Variants in NAT16 observed in about 807,000 individuals in gnomAD.
The protein encoded by NAT16 is probable N-acetyltransferase 16.
NAT16 carries 16 observed loss-of-function variants against 15.9 expected under a neutral mutation model. The ratio of observed to expected loss-of-function variants is 1.01; its 90% CI spans 0.68 to 1.53. NAT16 has a LOEUF of 1.53. Ranked by LOEUF, NAT16 falls within the 40% of genes most tolerant of loss-of-function variation. The probability of loss-of-function intolerance (pLI) is 0.00; values close to 1 mark genes in which losing one functional copy is unlikely to be tolerated. For missense variants in NAT16, 572 were observed against 508.4 expected (o/e 1.13, Z -1.20); for synonymous variants, 260 against 241.9 (o/e 1.07, Z -0.69).
rs200908607 is a variant in NAT16 at position 101,170,721 on chromosome 7, C to T, written c.*1358G>A. 6.6e-6 allele frequency: 1 copy of T among 152,468 alleles called. No individual in the cohort carries two copies. Among genetic ancestry groups the T allele is most frequent in the East Asian group, 1.9e-4 (1 of 5,196 alleles). The allele number at this position is 152,468 out of a possible 1,614,324, so 9.4% of individuals were successfully genotyped here. A position where few individuals can be genotyped will look rare whatever the true frequency, so the allele number is the denominator to read the frequency against. ...TCTCGGATCCCATCCCAGCGAACCC[C>T]AAACTCACTGTCAACATTCTCCTAG... On this transcript the variant is annotated 3_prime_UTR_variant, in exon 4 of 4. Coordinates refer to ENST00000300303, the MANE Select transcript of NAT16 (RefSeq NM_198571.3).
At position 101,174,559 on chromosome 7, in the gene NAT16, G is replaced by A; in HGVS notation, c.249C>T (p.Arg83=). 1 of 1,612,956 alleles carries A rather than the reference G, an allele frequency of 6.2e-7. No individual in the cohort carries two copies. Among genetic ancestry groups the A allele is most frequent in the Non-Finnish European group, 8.5e-7 (1 of 1,179,818 alleles). ...CGGGGTCCCGGAGCCAGCTGTGGTA[G>A]CGGCTAGGAAGGTAGTCCAGGCCGC... ...IYGGLDYLPS[R]YHSWLRDPDR... is the part of the protein sequence containing the mutation. The change falls in exon 2 of 4, where the codon CGC becomes CGT. Residue 83 remains arginine, a synonymous_variant. Transcript: ENST00000300303.
At chr7:101,174,978 G>A (rs555728599) in intron 1 of NAT16, among the ~76,000 whole-genome samples, 167 bp from the exon 2 acceptor site, 13 of 151,482 alleles carry the variant, frequency 8.6e-5, no homozygotes, top group Non-Finnish European at 1.5e-4. Flanking sequence ...TTTTTGAGAC[G>A]GAGTCTCGTT....
chr7:101,174,088 C>T, intron 2 of NAT16: 1 of 313,938 alleles, frequency 3.2e-6, no homozygotes, highest in Non-Finnish European at 5.8e-6. Context: ...CCGCTCACCA[C>T]GCCCCTTCCT....
rs1228256592 is a variant in NAT16 at position 101,172,684 on chromosome 7, G to A, written c.538-33C>T. On this transcript the variant is annotated intron_variant, in intron 3 of 3. Coordinates refer to ENST00000300303, the MANE Select transcript of NAT16 (RefSeq NM_198571.3). This position sits in a 1 kb window ranked among gnomAD's most constrained non-coding sequence, Gnocchi z 4.2. ...GGGCACGAGTGAGCGCGGGGAGGGG[G>A]GGCGCAGCAGGGCTGGCGAGCCCGG... is the stretch of plus-strand genomic sequence containing the variant. The A allele has an allele frequency of 1.4e-6, 2 of 1,418,956 alleles. No individual in the cohort carries two copies. The highest frequency in any genetic ancestry group is 2.9e-5 in the South Asian group (2 of 69,272). 87.9% of individuals were successfully genotyped at this position (1,418,956 alleles called of 1,614,324 possible). A position where few individuals can be genotyped will look rare whatever the true frequency, so the allele number is the denominator to read the frequency against.
intron 1 of NAT16, among the ~76,000 whole-genome samples, chr7:101,178,928 T>C (rs1482507366): frequency 2.9e-5 from 4 of 139,818 alleles, no homozygotes; most frequent in African/African-American, 1.0e-4. Context: ...AACATTTCTC[T>C]CTTCATGTCT....
chr7:101,178,592 G>T (rs2116735645), intron 1 of NAT16, among the ~76,000 whole-genome samples: 1 of 151,848 alleles, frequency 6.6e-6, no homozygotes. Flanking sequence ...GCATTTCTTG[G>T]CCGGGCGTGG....
In NAT16 at chr7:101,172,363, C is replaced by T. The variant is rs978376868; in HGVS notation, c.826G>A (p.Val276Met). 3.2e-5 allele frequency: 50 copies of T among 1,573,000 alleles called. No individual in the cohort carries two copies. Among genetic ancestry groups the T allele is most frequent in the East Asian group, 2.8e-4 (12 of 42,282 alleles). ...AAGGGGCGCGTGCACAGCGTGAGCA[C>T]GCGCGGGCGCGCGCGGCTGTCCACG... ...WRVDSRARPR[V>M]LTLCTRPFPI... The change falls in exon 4 of 4, where the codon GTG becomes ATG. Residue 276 changes from valine (V) to methionine (M), a missense_variant. Transcript: ENST00000300303. This position sits in a 1 kb window ranked among gnomAD's most constrained non-coding sequence, Gnocchi z 4.2.
In NAT16 at chr7:101,172,746, C is replaced by A. The variant is rs1285430372; in HGVS notation, c.538-95G>T. ...AGGCATCTTCACTCCCACGTTCACGCCCACGGGCTCCCACCTGGGTCCCTC... is the reference window on the plus strand; with the variant it reads ...AGGCATCTTCACTCCCACGTTCACGACCACGGGCTCCCACCTGGGTCCCTC... On this transcript the variant is annotated intron_variant, in intron 3 of 3. Coordinates refer to ENST00000300303, the MANE Select transcript of NAT16 (RefSeq NM_198571.3). This position sits in a 1 kb window ranked among gnomAD's most constrained non-coding sequence, Gnocchi z 4.2. The A allele has an allele frequency of 1.0e-6, 1 of 987,274 alleles. No homozygotes were observed. The highest frequency in any genetic ancestry group is 1.4e-6 in the Non-Finnish European group (1 of 709,228). 61.2% of individuals were successfully genotyped at this position (987,274 alleles called of 1,614,324 possible).
At chr7:101,173,203 G>A (rs1797375910) in intron 3 of NAT16, 93 bp downstream of exon 3, 1 of 1,163,314 alleles carries the variant, frequency 8.6e-7, no homozygotes, top group Admixed American at 1.8e-5. Context: ...AGCCCAGAGA[G>A]AGAGCAAGCC....
chr7:101,173,270 C>T, intron 3 of NAT16, 26 bp downstream of exon 3: 2 of 1,595,422 alleles, frequency 1.3e-6, no homozygotes, highest in Non-Finnish European at 1.7e-6. Context: ...AGAGGCCCAG[C>T]CATCCGAGCT....
chr7:101,177,176 G>A (rs1229265405), intron 1 of NAT16, among the ~76,000 whole-genome samples: 1 of 152,096 alleles, frequency 6.6e-6, no homozygotes, highest in East Asian at 1.9e-4. Flanking sequence ...CCTCTGCTGG[G>A]GCCATTAGAG....
rs933482283 is a variant in NAT16, at chr7:101,171,088, G to A, written c.*991C>T. On this transcript the variant is annotated 3_prime_UTR_variant, in exon 4 of 4. Coordinates refer to ENST00000300303, the MANE Select transcript of NAT16 (RefSeq NM_198571.3). ...GGAATTCCAGTTGCACTAGAAGGCG[G>A]CCTGGTTGGAACCAGGAGACAGCCC... 4 of 152,258 alleles carry A rather than the reference G, an allele frequency of 2.6e-5. No individual in the cohort carries two copies. Among genetic ancestry groups the A allele is most frequent in the African/African-American group, 7.2e-5 (3 of 41,444 alleles). The allele number at this position is 152,258 out of a possible 1,614,324, so 9.4% of individuals were successfully genotyped here. A position where few individuals can be genotyped will look rare whatever the true frequency, so the allele number is the denominator to read the frequency against.
chr7:101,173,145 AG>A, intron 3 of NAT16, 150 bp downstream of exon 3: 1 of 717,400 alleles, frequency 1.4e-6, no homozygotes, highest in Non-Finnish European at 2.5e-6. Flanking sequence ...GGGTCTGGTA[AG>A]GACTGGGAGT....
At position 101,177,394 on chromosome 7, in the gene NAT16, GT is replaced by G. The variant is rs369048067; in HGVS notation, c.-4-2584del. On this transcript the variant is annotated intron_variant, in intron 1 of 3. Coordinates refer to ENST00000300303, the MANE Select transcript of NAT16 (RefSeq NM_198571.3). ...GTCTCGCTCTGTCACCCAGGCCGGA[GT>G]GCAATGGCATCATCGTAGCTCACTG... is the stretch of plus-strand genomic sequence containing the variant. Among the ~76,000 whole-genome samples the G allele has an allele frequency of 3.7e-3, 556 of 152,090 alleles. 4 individuals are homozygous for G. The highest frequency in any genetic ancestry group is 0.015 in the South Asian group (72 of 4,786).
At chr7:101,177,192 C>T (rs1036694121) in intron 1 of NAT16, among the ~76,000 whole-genome samples, 1 of 152,212 alleles carries the variant, frequency 6.6e-6, no homozygotes, top group Non-Finnish European at 1.5e-5. Flanking sequence ...TAGAGACCAT[C>T]AGGTTCAACC....
intron 2 of NAT16, chr7:101,173,925 C>T: frequency 4.6e-6 from 1 of 217,900 alleles, no homozygotes; most frequent in Non-Finnish European, 9.0e-6. Context: ...AGACAGGGGT[C>T]TCGCATGTTG....
chr7:101,177,826 A>G (rs1433362299), intron 1 of NAT16, among the ~76,000 whole-genome samples: 1 of 152,158 alleles, frequency 6.6e-6, no homozygotes, highest in African/African-American at 2.4e-5. Flanking sequence ...AGCAATCCCT[A>G]TGCCAACACA....
Position 101,174,477 on chromosome 7 carries a change from G to A in NAT16, c.312+19C>T, listed in dbSNP as rs1372619971. On this transcript the variant is annotated intron_variant, in intron 2 of 3. Transcript: ENST00000300303. ...GGTGGCTTCACCCCATGTCACCTGG[G>A]CCGTGCCCCCGGGCTCACCACGCCT... 6.3e-7 allele frequency: 1 copy of A among 1,597,160 alleles called. No homozygotes were observed.
In NAT16 at chr7:101,171,507, C is replaced by A. The variant is rs1249988167; in HGVS notation, c.*572G>T. The A allele has an allele frequency of 6.5e-6, 1 of 153,144 alleles. No individual in the cohort carries two copies. The allele number at this position is 153,144 out of a possible 1,614,324, so 9.5% of individuals were successfully genotyped here. On this transcript the variant is annotated 3_prime_UTR_variant, in exon 4 of 4. Coordinates refer to ENST00000300303, the MANE Select transcript of NAT16 (RefSeq NM_198571.3). The stretch of plus-strand genomic sequence containing the variant: ...GGGCTAGAGAGAAGTGGGGAGAGGG[C>A]ACTGATCTCTGGCACCAGAAGCTTG...
Sources: allele counts gnomAD v4.1 joint callset (sites outside exome capture counted in the v4.1 genomes callset), GRCh38; gene constraint gnomAD v4.1.1; non-coding constraint Gnocchi (gnomAD v3.1); transcripts MANE v1.5; gene names NCBI Gene and HGNC (gene_info 2026-07-23, HGNC 2026-07-21).